PPFIA3: variants seen among roughly 807,000 people sequenced by gnomAD.
The protein encoded by PPFIA3 is PPFI scaffold protein A3.
PPFIA3 carries 26 observed loss-of-function variants against 145.8 expected under a neutral mutation model. That is an observed-to-expected ratio of 0.18 (90% CI 0.13 to 0.25). The LOEUF is 0.25. Among genes scored for constraint, PPFIA3 ranks in the 10% least tolerant of loss-of-function variants. The pLI is 1.00. For synonymous variants in PPFIA3, 645 were observed against 661.4 expected (o/e 0.98, Z 0.38); for missense variants, 1,008 against 1,587.8 (o/e 0.63, Z 6.21).
In PPFIA3 at chr19:49,150,486, C is replaced by G. The variant is rs1244335887; in HGVS notation, c.*264C>G. On this transcript the variant is annotated 3_prime_UTR_variant, in exon 30 of 30. Coordinates refer to ENST00000334186, the MANE Select transcript of PPFIA3 (RefSeq NM_003660.4). ...CCCCAAACGTCCGCTTTCCTTTTCT[C>G]TACTTTGTAATTTATTGATCAGTTT... The G allele has an allele frequency of 4.4e-6, 1 of 226,902 alleles. No homozygotes were observed. The highest frequency in any genetic ancestry group is 2.3e-5 in the African/African-American group (1 of 44,072). 14.1% of individuals were successfully genotyped at this position (226,902 alleles called of 1,614,324 possible). A position where few individuals can be genotyped will look rare whatever the true frequency, so the allele number is the denominator to read the frequency against.
chr19:49,129,456 T>C lies in PPFIA3; in HGVS notation c.582+2T>C. On this transcript the variant is annotated splice_donor_variant, in intron 5 of 29. Coordinates refer to ENST00000334186, the MANE Select transcript of PPFIA3 (RefSeq NM_003660.4). LOFTEE classifies it high-confidence loss of function. ...GAGCTGGAACTGAGCAATCAGGAGG[T>C]GTGGGTGTGGCCAAGACAGGGAATT... The C allele has an allele frequency of 6.4e-7, 1 of 1,552,482 alleles. No homozygotes were observed. The highest frequency in any genetic ancestry group is 2.4e-5 in the East Asian group (1 of 41,556).
chr19:49,147,469 T>A (rs921980321), intron 23 of PPFIA3, among the ~76,000 whole-genome samples: 1 of 152,034 alleles, frequency 6.6e-6, no homozygotes, highest in African/African-American at 2.4e-5. Flanking sequence ...GCGGATCCCT[T>A]GAGGTCAGGA....
intron 15 of PPFIA3, 94 bp from the exon 16 acceptor site, chr19:49,138,111 C>T (rs1445758286): frequency 7.0e-6 from 10 of 1,420,650 alleles, no homozygotes; most frequent in Non-Finnish European, 8.3e-6. Flanking sequence ...TTCCCATTGC[C>T]CCACCAGGCC....
In PPFIA3 at chr19:49,148,752, C is replaced by T; in HGVS notation, c.3098C>T (p.Thr1033Ile). Residue 1033 changes from threonine (T) to isoleucine (I), a missense_variant, in exon 25 of 30, where the codon ACC becomes ATC. Thr to Ile is a moderately conservative substitution (Grantham distance 89). Transcript: ENST00000334186. ...DLERRREESQ[T>I]QIRDVMVWSN... ...GAGCGGAGGCGGGAAGAAAGTCAGA[C>T]CCAGATCCGAGGTGAGTAGAGCCTA... The T allele has an allele frequency of 6.2e-7, 1 of 1,613,364 alleles. No homozygotes were observed. Among genetic ancestry groups the T allele is most frequent in the Non-Finnish European group, 8.5e-7 (1 of 1,179,378 alleles).
Position 49,140,087 on chromosome 19 carries a change from G to T in PPFIA3, c.2367G>T (p.Leu789=). The part of the protein sequence containing the change: ...MGPPGRDSSS[L]AGTPSDETLA... ...CCCCAGGCCGGGACAGCTCTTCTCTGGGTGAGTACCTCACTCTAACCCTTC... is the reference window on the plus strand; with the variant it reads ...CCCCAGGCCGGGACAGCTCTTCTCTTGGTGAGTACCTCACTCTAACCCTTC... The change falls in exon 18 of 30, where the codon CTG becomes CTT. Residue 789 remains leucine (L), a splice_region_variant and synonymous_variant. Transcript: ENST00000334186. The T allele has an allele frequency of 6.2e-7, 1 of 1,613,814 alleles. No individual in the cohort carries two copies. Among genetic ancestry groups the T allele is most frequent in the Non-Finnish European group, 8.5e-7 (1 of 1,180,034 alleles).
At chr19:49,145,884 C>T (rs200205978) in intron 21 of PPFIA3, 59 bp from the exon 22 acceptor site, 23 of 1,509,754 alleles carry the variant, frequency 1.5e-5, no homozygotes, top group Non-Finnish European at 1.8e-5. Context: ...GGACACCCTC[C>T]TTCCTCTCCC....
Position 49,142,867 on chromosome 19 carries a change from A to G in PPFIA3, c.2608A>G (p.Ile870Val). ...ACRANVKSGAIMANLSDTEIQ... is the reference protein window; with the variant it reads ...ACRANVKSGAVMANLSDTEIQ... ...CCGGGCCAATGTCAAGAGCGGTGCCATCATGGCCAACCTGTCAGACACGGA... is the reference window on the plus strand; with the variant it reads ...CCGGGCCAATGTCAAGAGCGGTGCCGTCATGGCCAACCTGTCAGACACGGA... The change falls in exon 21 of 30, where the codon ATC (isoleucine) becomes GTC (valine). Residue 870 changes from isoleucine to valine, a missense_variant. Ile to Val is a conservative substitution (Grantham distance 29, BLOSUM62 3). This residue lies in a region of PPFIA3 where 154 missense variants were observed against 369.2 expected (regional missense o/e 0.42). Transcript: ENST00000334186. 1 of 1,613,800 alleles carries G rather than the reference A, an allele frequency of 6.2e-7. No individual in the cohort carries two copies. Among genetic ancestry groups the G allele is most frequent in the Non-Finnish European group, 8.5e-7 (1 of 1,179,984 alleles).
Position 49,133,411 on chromosome 19 carries a change from G to A in PPFIA3, c.1161+40G>A, listed in dbSNP as rs1322440388. The A allele has an allele frequency of 6.4e-7, 1 of 1,555,678 alleles. No individual in the cohort carries two copies. Among genetic ancestry groups the A allele is most frequent in the South Asian group, 1.2e-5 (1 of 84,952 alleles). ...CGGGTCGGGGCCTTGCGTGGGGAAGGGGTGGGGCCTAGAGGAGGCGGGGCC... is the reference window on the plus strand; with the variant it reads ...CGGGTCGGGGCCTTGCGTGGGGAAGAGGTGGGGCCTAGAGGAGGCGGGGCC... On this transcript the variant is annotated intron_variant, in intron 9 of 29. Transcript: ENST00000334186. This position sits in a 1 kb window ranked among gnomAD's most constrained non-coding sequence, Gnocchi z 7.2.
chr19:49,149,007 T>A lies in PPFIA3; in HGVS notation c.3124T>A (p.Ser1042Thr). The A allele has an allele frequency of 6.2e-7, 1 of 1,613,778 alleles. No homozygotes were observed. The highest frequency in any genetic ancestry group is 8.5e-7 in the Non-Finnish European group (1 of 1,179,882). Reference protein sequence around the residue: ...QTQIRDVMVWSNERVMGWVSG... With the variant: ...QTQIRDVMVWTNERVMGWVSG... ...TCCGTCCCCAGACGTGATGGTGTGG[T>A]CCAATGAGCGGGTCATGGGTTGGGT... The change falls in exon 26 of 30, where the codon TCC (serine) becomes ACC (threonine). Residue 1042 changes from serine to threonine, a missense_variant. Coordinates refer to ENST00000334186, the MANE Select transcript of PPFIA3 (RefSeq NM_003660.4). The surrounding 1 kb of genome is among the most constrained non-coding windows in gnomAD (Gnocchi z 5.7).
At position 49,148,285 on chromosome 19, in the gene PPFIA3, A is replaced by C. The variant is rs976225160; in HGVS notation, c.3011+27A>C. The C allele has an allele frequency of 2.5e-6, 4 of 1,603,578 alleles. No individual in the cohort carries two copies. In the Admixed American group the frequency reaches 5.2e-5, roughly 21 times the overall value. ...TGGGGGCTGCCTGGCCAGTGGGGAC[A>C]GTCCAAAGGGAAGCCCCACCCCAGA... On this transcript the variant is annotated intron_variant, in intron 24 of 29. Coordinates refer to ENST00000334186, the MANE Select transcript of PPFIA3 (RefSeq NM_003660.4).
chr19:49,127,390 A>AG (rs2041013243), intron 1 of PPFIA3, among the ~76,000 whole-genome samples: 1 of 148,802 alleles, frequency 6.7e-6, no homozygotes, highest in Non-Finnish European at 1.5e-5. Context: ...AGCTAAAAAA[A>AG]AAAAAAAAAA....
intron 15 of PPFIA3, among the ~76,000 whole-genome samples, chr19:49,137,678 G>GCCCCCAGT (rs2041157805): frequency 9.2e-6 from 1 of 108,340 alleles, no homozygotes; most frequent in Non-Finnish European, 2.0e-5. Flanking sequence ...TTATTAAGAA[G>GCCCCCAGT]CCCCCAGTGA....
At chr19:49,134,992 C>A in intron 13 of PPFIA3, 77 bp downstream of exon 13, 2 of 1,262,268 alleles carry the variant, frequency 1.6e-6, no homozygotes, top group East Asian at 2.4e-5. Context: ...TTCTGATCCC[C>A]ACTTCCTGTC....
In PPFIA3 at chr19:49,145,937, C is replaced by T. The variant is rs775568085; in HGVS notation, c.2746-6C>T. 2 of 1,613,918 alleles carry T rather than the reference C, an allele frequency of 1.2e-6. No homozygotes were observed. The highest frequency in any genetic ancestry group is 1.7e-5 in the Admixed American group (1 of 60,028). On this transcript the variant is annotated splice_region_variant and splice_polypyrimidine_tract_variant and intron_variant, in intron 21 of 29. Transcript: ENST00000334186. ...CCACCATCCATTAACACTCCCTGCC[C>T]CTCAGTCCACAGGAAACGTGTGGAT...
intron 23 of PPFIA3, 105 bp downstream of exon 23, chr19:49,146,297 TC>T: frequency 3.6e-6 from 5 of 1,390,794 alleles, no homozygotes; most frequent in African/African-American, 2.8e-5. Flanking sequence ...CATGCCATCA[TC>T]CCCATGGGGG....
At position 49,128,023 on chromosome 19, in the gene PPFIA3, G is replaced by C; in HGVS notation, c.150G>C (p.Gln50His). Reference sequence around the variant, plus strand: ...TGCTGGAGACGCTGCGCGAGGCACAGGACGGGTTGGCTACAGCGCAGCTGC... The same window carrying C: ...TGCTGGAGACGCTGCGCGAGGCACACGACGGGTTGGCTACAGCGCAGCTGC... ...ERLLETLREA[Q>H]DGLATAQLRL... The change falls in exon 2 of 30, where the codon CAG becomes CAC. Residue 50 changes from glutamine to histidine, a missense_variant. Coordinates refer to ENST00000334186, the MANE Select transcript of PPFIA3 (RefSeq NM_003660.4). The surrounding 1 kb of genome is among the most constrained non-coding windows in gnomAD (Gnocchi z 4.1). 6.3e-7 allele frequency: 1 copy of C among 1,596,874 alleles called. No homozygotes were observed. Among genetic ancestry groups the C allele is most frequent in the Non-Finnish European group, 8.5e-7 (1 of 1,179,190 alleles).
Position 49,150,517 on chromosome 19 carries a change from G to C in PPFIA3, c.*295G>C, listed in dbSNP as rs969199299. 8.4e-4 allele frequency: 143 copies of C among 170,956 alleles called. No homozygotes were observed. The highest frequency in any genetic ancestry group is 3.2e-3 in the African/African-American group (135 of 42,166). The allele number at this position is 170,956 out of a possible 1,614,324, so 10.6% of individuals were successfully genotyped here. On this transcript the variant is annotated 3_prime_UTR_variant, in exon 30 of 30. Transcript: ENST00000334186. The stretch of plus-strand genomic sequence containing the variant: ...TGTAATTTATTGATCAGTTTCTGTT[G>C]GGAGACGGGTGTCCTTTACCCGCGG...
chr19:49,146,544 C>G (rs1018216180), intron 23 of PPFIA3: 22 of 342,390 alleles, frequency 6.4e-5, no homozygotes, highest in Non-Finnish European at 2.2e-5. Context: ...GCTCAGTGTA[C>G]CAGGGCCAAG....
At chr19:49,127,492 A>T (rs1319712645) in intron 1 of PPFIA3, among the ~76,000 whole-genome samples, 1 of 151,326 alleles carries the variant, frequency 6.6e-6, no homozygotes, top group African/African-American at 2.4e-5. Flanking sequence ...GCAGCTACTC[A>T]GGAGGCTGAG....
Sources: allele counts gnomAD v4.1 joint callset (sites outside exome capture counted in the v4.1 genomes callset), GRCh38; gene constraint gnomAD v4.1.1; regional missense constraint gnomAD v4.1.1; non-coding constraint Gnocchi (gnomAD v3.1); transcripts MANE v1.5; gene names NCBI Gene and HGNC (gene_info 2026-07-23, HGNC 2026-07-21).